Variants in GNAQ observed in about 807,000 individuals in gnomAD.
The protein encoded by GNAQ is guanine nucleotide-binding protein G(q) subunit alpha.
In GNAQ, 8 loss-of-function variants were observed where a neutral mutation model predicts 43.9. The ratio of observed to expected loss-of-function variants is 0.18; its 90% CI spans 0.11 to 0.33. The LOEUF (loss-of-function observed/expected upper bound fraction) is 0.33, where lower values mean the gene tolerates loss of function less well. Ranked by LOEUF, GNAQ falls within the 10% of genes least tolerant of loss-of-function variation. The pLI, the probability that GNAQ is intolerant of heterozygous loss-of-function variation, is 1.00. For missense variants in GNAQ, 158 were observed against 450.8 expected (o/e 0.35, Z 5.88); for synonymous variants, 155 against 170.7 (o/e 0.91, Z 0.71).
intron 2 of GNAQ, among the ~76,000 whole-genome samples, chr9:77,832,017 C>T (rs770159292): frequency 6.6e-5 from 10 of 152,068 alleles, no homozygotes; most frequent in Non-Finnish European, 1.5e-4. Context: ...ACCTGAGGTG[C>T]CTCTGCTCTG....
chr9:77,769,682 T>TG (rs1284964589), intron 5 of GNAQ, among the ~76,000 whole-genome samples: 2 of 149,534 alleles, frequency 1.3e-5, no homozygotes, highest in Non-Finnish European at 3.0e-5. Context: ...TTTTTTTTTT[T>TG]GGGATGGAGT....
chr9:77,816,457 T>C (rs1387162339), intron 2 of GNAQ, among the ~76,000 whole-genome samples: 1 of 152,224 alleles, frequency 6.6e-6, no homozygotes, highest in African/African-American at 2.4e-5. Context: ...TATATTCATT[T>C]AGCAGGAAAG....
chr9:77,832,272 T>G (rs956263969), intron 2 of GNAQ, among the ~76,000 whole-genome samples: 1 of 152,152 alleles, frequency 6.6e-6, no homozygotes, highest in African/African-American at 2.4e-5. Flanking sequence ...GACACTGTAT[T>G]TTTCCTTAAA....
intron 2 of GNAQ, among the ~76,000 whole-genome samples, chr9:77,905,317 T>C (rs1828687701): frequency 2.0e-5 from 3 of 152,232 alleles, no homozygotes; most frequent in Non-Finnish European, 4.4e-5. Context: ...ACTATTGTTC[T>C]AATAATCTGA....
intron 5 of GNAQ, among the ~76,000 whole-genome samples, chr9:77,764,444 G>C (rs558480913): frequency 4.0e-5 from 6 of 151,818 alleles, no homozygotes; most frequent in East Asian, 3.9e-4. Flanking sequence ...CATACTCTAT[G>C]ATTCTCTGAA....
chr9:77,842,738 T>C (rs910422081), intron 2 of GNAQ, among the ~76,000 whole-genome samples: 1 of 152,126 alleles, frequency 6.6e-6, no homozygotes, highest in South Asian at 2.1e-4. Flanking sequence ...TCCAGGCATA[T>C]GGCCCAACCC....
Position 77,720,924 on chromosome 9 carries a change from C to T in GNAQ, c.*399G>A, listed in dbSNP as rs751735382. On this transcript the variant is annotated 3_prime_UTR_variant, in exon 7 of 7. Coordinates refer to ENST00000286548, the MANE Select transcript of GNAQ (RefSeq NM_002072.5). The stretch of plus-strand genomic sequence containing the variant: ...AAAGGCCATTGTAACCTGGGAAAAA[C>T]ATCAGGAGGGAGGTATGAATTAGCG... The T allele has an allele frequency of 3.0e-4, 71 of 240,020 alleles. No homozygotes were observed. Among genetic ancestry groups the T allele is most frequent in the Admixed American group, 2.1e-3 (38 of 18,320 alleles). 14.9% of individuals were successfully genotyped at this position (240,020 alleles called of 1,614,324 possible).
intron 5 of GNAQ, among the ~76,000 whole-genome samples, chr9:77,786,478 G>C (rs1217767576): frequency 6.6e-6 from 1 of 152,132 alleles, no homozygotes; most frequent in Non-Finnish European, 1.5e-5. Context: ...GTCTAGAGAA[G>C]TGGGCCCAGT....
chr9:77,892,226 G>A (rs1264378780), intron 2 of GNAQ, among the ~76,000 whole-genome samples: 1 of 152,160 alleles, frequency 6.6e-6, no homozygotes, highest in Non-Finnish European at 1.5e-5. Flanking sequence ...TCTCTCCCCT[G>A]CTTTGTCTTC....
At position 78,013,334 on chromosome 9, in the gene GNAQ, T is replaced by C. The variant is rs199592933; in HGVS notation, c.136+17766A>G. ...AGACTTTTTTTTTTTTTATTATACT[T>C]TAAGTTTTAGGGTACATGTGCACAA... On this transcript the variant is annotated intron_variant, in intron 1 of 6. Coordinates refer to ENST00000286548, the MANE Select transcript of GNAQ (RefSeq NM_002072.5). 2.6e-5 allele frequency among the ~76,000 whole-genome samples: 4 copies of C among 152,170 alleles called. No homozygotes were observed. The East Asian group carries it at 7.7e-4, about 29-fold the overall frequency.
chr9:78,021,900 G>A (rs536000028), intron 1 of GNAQ, among the ~76,000 whole-genome samples: 1 of 152,224 alleles, frequency 6.6e-6, no homozygotes, highest in Admixed American at 6.5e-5. Flanking sequence ...GGAACACTGC[G>A]TCTCTCGGGC....
intron 1 of GNAQ, among the ~76,000 whole-genome samples, chr9:77,959,480 C>CCATT (rs535993736): frequency 1.1e-3 from 168 of 152,204 alleles, no homozygotes; most frequent in African/African-American, 3.9e-3. Flanking sequence ...AAACAGACTG[C>CCATT]CATTGCAAGT....
chr9:78,002,776 C>G (rs1180375807), intron 1 of GNAQ, among the ~76,000 whole-genome samples: 2 of 152,100 alleles, frequency 1.3e-5, no homozygotes, highest in African/African-American at 4.8e-5. Flanking sequence ...CAAAGACATC[C>G]AACTGTCATT....
At chr9:77,787,529 A>T (rs1826500602) in intron 5 of GNAQ, among the ~76,000 whole-genome samples, 1 of 152,234 alleles carries the variant, frequency 6.6e-6, no homozygotes. Flanking sequence ...ATAGAAGAAT[A>T]GCAAGGAAAT....
rs1825251451 is a variant in GNAQ, at chr9:77,718,011, A to G, written c.*3312T>C. 4.3e-6 allele frequency: 1 copy of G among 232,828 alleles called. No homozygotes were observed. 14.4% of individuals were successfully genotyped at this position (232,828 alleles called of 1,614,324 possible). A position where few individuals can be genotyped will look rare whatever the true frequency, so the allele number is the denominator to read the frequency against. On this transcript the variant is annotated 3_prime_UTR_variant, in exon 7 of 7. Transcript: ENST00000286548. ...GAAACTTCCAATTTACAAATAAGGA[A>G]TTCTCTGGGGGTTAGAACTGCCATG... is the stretch of plus-strand genomic sequence containing the variant.
intron 5 of GNAQ, among the ~76,000 whole-genome samples, chr9:77,741,820 T>C (rs1312355775): frequency 3.3e-5 from 5 of 152,230 alleles, no homozygotes; most frequent in African/African-American, 1.2e-4. Context: ...AGTCTGCATA[T>C]GGATTTACTC....
chr9:77,786,544 G>C (rs1238378698), intron 5 of GNAQ, among the ~76,000 whole-genome samples: 1 of 152,124 alleles, frequency 6.6e-6, no homozygotes, highest in Non-Finnish European at 1.5e-5. Flanking sequence ...CAGCAGCTGA[G>C]AGGCTGAAGG....
At chr9:77,913,885 C>T (rs532556230) in intron 2 of GNAQ, among the ~76,000 whole-genome samples, 5 of 152,248 alleles carry the variant, frequency 3.3e-5, no homozygotes, top group South Asian at 2.1e-4. Flanking sequence ...GTGCACTCTT[C>T]TGTATTTTTT....
chr9:77,814,587 T>C (rs1826982582), intron 3 of GNAQ, among the ~76,000 whole-genome samples: 1 of 152,184 alleles, frequency 6.6e-6, no homozygotes. Flanking sequence ...ATGCCTAGAA[T>C]TAGAGTAAAA....
Sources: allele counts gnomAD v4.1 joint callset (sites outside exome capture counted in the v4.1 genomes callset), GRCh38; gene constraint gnomAD v4.1.1; transcripts MANE v1.5; gene names NCBI Gene and HGNC (gene_info 2026-07-23, HGNC 2026-07-21).